Variants in AP1G2 observed in about 807,000 individuals in gnomAD.
The protein encoded by AP1G2 is adaptor related protein complex 1 subunit gamma 2.
In AP1G2, 85 loss-of-function variants were observed where a neutral mutation model predicts 95.8. The ratio of observed to expected loss-of-function variants is 0.89; its 90% confidence interval spans 0.74 to 1.06. The LOEUF is 1.06. AP1G2 is among the 50% of genes least tolerant of loss of function. The pLI, the probability that AP1G2 is intolerant of heterozygous loss-of-function variation, is 0.00. For synonymous variants in AP1G2, 378 were observed against 400.0 expected, an observed-to-expected ratio of 0.94 and a Z score of 0.66; for missense variants, 967 against 1,005.8, an observed-to-expected ratio of 0.96 and a Z score of 0.52.
chr14:23,562,967 G>T, intron 14 of AP1G2: 1 of 782,802 alleles, frequency 1.3e-6, no homozygotes, highest in Non-Finnish European at 1.7e-6. Context: ...AAATGTGAGA[G>T]GGTCCCTCCC....
rs757044980 is a variant in AP1G2 at position 23,565,166 on chromosome 14, G to A, written c.775C>T (p.Arg259Trp). ...QILRLLRILG[R>W]NHEESSETMN... Reference sequence around the variant, plus strand: ...GTCTCACTGCTCTCCTCGTGGTTCCGGCCCAGGATCCGAAGCAGACGAAGT... The same window carrying A: ...GTCTCACTGCTCTCCTCGTGGTTCCAGCCCAGGATCCGAAGCAGACGAAGT... The change falls in exon 8 of 22, where the codon CGG (arginine) becomes TGG (tryptophan). Residue 259 changes from arginine (R) to tryptophan (W), a missense_variant. Arg to Trp is a moderately radical substitution (Grantham distance 101). Transcript: ENST00000397120. The A allele has an allele frequency of 8.7e-6, 14 of 1,614,076 alleles. No individual in the cohort carries two copies. Among genetic ancestry groups the A allele is most frequent in the African/African-American group, 5.3e-5 (4 of 74,928 alleles).
In AP1G2 at chr14:23,567,099, C is replaced by T; in HGVS notation, c.204+12G>A. The T allele has an allele frequency of 1.9e-6, 3 of 1,605,174 alleles. No individual in the cohort carries two copies. Among genetic ancestry groups the T allele is most frequent in the Non-Finnish European group, 2.6e-6 (3 of 1,176,176 alleles). On this transcript the variant is annotated intron_variant, in intron 2 of 21. Transcript: ENST00000397120. The surrounding 1 kb of genome is among the most constrained non-coding windows in gnomAD (Gnocchi z 5.3). ...TCATCAAGCTCAGGAGGGAGGTATT[C>T]CTGGCCAGTACCTGTCCAAAGTGGG...
chr14:23,565,976 C>T lies in AP1G2; in HGVS notation c.569-84G>A, dbSNP rs772049140. Reference sequence around the variant, plus strand: ...TGTGTGCCTGTGTGTGTGCACTACCCTTCTCCTGTGAGCTGGGGTTCCCAT... The same window carrying T: ...TGTGTGCCTGTGTGTGTGCACTACCTTTCTCCTGTGAGCTGGGGTTCCCAT... On this transcript the variant is annotated intron_variant, in intron 5 of 21. Coordinates refer to ENST00000397120, the MANE Select transcript of AP1G2 (RefSeq NM_003917.5). The T allele has an allele frequency of 1.2e-6, 2 of 1,611,118 alleles. No homozygotes were observed. Among genetic ancestry groups the T allele is most frequent in the Admixed American group, 3.4e-5 (2 of 59,634 alleles).
intron 8 of AP1G2, 63 bp downstream of exon 8, chr14:23,565,056 G>C (rs1566651490): frequency 1.3e-6 from 2 of 1,514,664 alleles, no homozygotes; most frequent in African/African-American, 2.7e-5. Flanking sequence ...GTCATGTGAG[G>C]GGCACCCAGG....
chr14:23,565,658 A>G lies in AP1G2; in HGVS notation c.689T>C (p.Met230Thr). 6.2e-7 allele frequency: 1 copy of G among 1,614,118 alleles called. No homozygotes were observed. Among genetic ancestry groups the G allele is most frequent in the Non-Finnish European group, 8.5e-7 (1 of 1,180,004 alleles). Residue 230 changes from methionine (M) to threonine (T), a missense_variant, in exon 7 of 22, where the codon ATG (methionine) becomes ACG (threonine). Transcript: ENST00000397120. Reference sequence around the variant, plus strand: ...TATGCTGTGTTCTGTGGAGTATCCCATTGTCACCAGAGTCCGGAGGATGTG... The same window carrying G: ...TATGCTGTGTTCTGTGGAGTATCCCGTTGTCACCAGAGTCCGGAGGATGTG... ...LVHILRTLVT[M>T]GYSTEHSISG...
chr14:23,559,913 T>C, intron 21 of AP1G2, 25 bp downstream of exon 21: 3 of 1,611,724 alleles, frequency 1.9e-6, no homozygotes, highest in Non-Finnish European at 2.5e-6. Context: ...CTGGGTCTTG[T>C]CTTGGGGGAA....
At position 23,559,676 on chromosome 14, in the gene AP1G2, G is replaced by A. The variant is rs1883087659; in HGVS notation, c.*73C>T. On this transcript the variant is annotated 3_prime_UTR_variant, in exon 22 of 22. Transcript: ENST00000397120. Reference sequence around the variant, plus strand: ...AGCGCCACCTGCTGGTAGCCCTCAGGTGTAGGTTCGAAGCTGCTGGGGCCC... The same window carrying A: ...AGCGCCACCTGCTGGTAGCCCTCAGATGTAGGTTCGAAGCTGCTGGGGCCC... 2.2e-6 allele frequency: 3 copies of A among 1,388,910 alleles called. No homozygotes were observed. Among genetic ancestry groups the A allele is most frequent in the Admixed American group, 1.8e-5 (1 of 54,520 alleles). The allele number at this position is 1,388,910 out of a possible 1,614,324, so 86.0% of individuals were successfully genotyped here.
intron 8 of AP1G2, chr14:23,564,883 C>T: frequency 1.6e-6 from 1 of 631,450 alleles, no homozygotes; most frequent in Non-Finnish European, 2.8e-6. Context: ...TGTTATCTGT[C>T]CATCCTTCAA....
rs752099350 is a variant in AP1G2, at chr14:23,566,090, G to C, written c.542C>G (p.Ala181Gly). The C allele has an allele frequency of 3.1e-6, 5 of 1,614,036 alleles. No homozygotes were observed. Among genetic ancestry groups the C allele is most frequent in the South Asian group, 1.1e-5 (1 of 91,064 alleles). ...ELSSVFLPPC[A>G]QLLHERHHGI... ...ATGGTGACGCTCATGAAGCAGTTGG[G>C]CACAGGGTGGGAGGAAGACACTGGA... The change falls in exon 5 of 22, where the codon GCC (alanine) becomes GGC (glycine). Residue 181 changes from alanine (A) to glycine (G), a missense_variant. Coordinates refer to ENST00000397120, the MANE Select transcript of AP1G2 (RefSeq NM_003917.5).
intron 4 of AP1G2, 54 bp downstream of exon 4, chr14:23,566,224 T>TA: frequency 6.2e-7 from 1 of 1,607,356 alleles, no homozygotes; most frequent in Admixed American, 1.7e-5. Flanking sequence ...TACTACTATA[T>TA]AGCACGCAGC....
In AP1G2 at chr14:23,559,987, C is replaced by T. The variant is rs201878577; in HGVS notation, c.2207G>A (p.Arg736Gln). 483 of 1,613,004 alleles carry T rather than the reference C, an allele frequency of 3.0e-4. 2 individuals are homozygous for T. The Middle Eastern group carries it at 8.0e-3, about 27-fold the overall frequency. ...QAPSGNTVPA[R>Q]GGLPITQLFR... ...GAGCTGGGTGATAGGAAGGCCACCC[C>T]GAGCTGGAACTGTGTTCCCACTGGG... The change falls in exon 21 of 22, where the codon CGG (arginine) becomes CAG (glutamine). Residue 736 changes from arginine (R) to glutamine (Q), a missense_variant. Physicochemically the swap from Arg to Gln is conservative, Grantham distance 43 (BLOSUM62 1). Transcript: ENST00000397120.
chr14:23,563,202 G>A, intron 14 of AP1G2, 178 bp downstream of exon 14: 4 of 1,441,060 alleles, frequency 2.8e-6, no homozygotes, highest in Non-Finnish European at 3.6e-6. Context: ...GGAGGTACCA[G>A]AGTCAGGACA....
chr14:23,565,201 T>C lies in AP1G2; in HGVS notation c.742-2A>G, dbSNP rs982209232. The C allele has an allele frequency of 5.0e-6, 8 of 1,613,846 alleles. No homozygotes were observed. The African/African-American group carries it at 1.1e-4, about 22-fold the overall frequency. Reference sequence around the variant, plus strand: ...CCGAAGCAGACGAAGTATCTGGACCTGAGGTTGGGTTGAAAATGGAAAGTT... The same window carrying C: ...CCGAAGCAGACGAAGTATCTGGACCCGAGGTTGGGTTGAAAATGGAAAGTT... On this transcript the variant is annotated splice_acceptor_variant, in intron 7 of 21. Coordinates refer to ENST00000397120, the MANE Select transcript of AP1G2 (RefSeq NM_003917.5). LOFTEE classifies it high-confidence loss of function.
At chr14:23,562,467 C>T in intron 15 of AP1G2, 37 bp downstream of exon 15, 1 of 1,612,608 alleles carries the variant, frequency 6.2e-7, no homozygotes, top group Non-Finnish European at 8.5e-7. Flanking sequence ...GTCCCCCTGA[C>T]AAGTCCCTCC....
chr14:23,564,022 C>T (rs1443896619), intron 11 of AP1G2, 24 bp downstream of exon 11: 1 of 1,613,466 alleles, frequency 6.2e-7, no homozygotes, highest in Non-Finnish European at 8.5e-7. Flanking sequence ...GCCCTGCCCT[C>T]CTGTCCCCTC....
chr14:23,562,079 A>C lies in AP1G2; in HGVS notation c.1629-13T>G. On this transcript the variant is annotated splice_polypyrimidine_tract_variant and intron_variant, in intron 16 of 21. Coordinates refer to ENST00000397120, the MANE Select transcript of AP1G2 (RefSeq NM_003917.5). Reference sequence around the variant, plus strand: ...CTGGCGGATGCGGCTGGGCCAGTGTAGTATGTAAGTGGCTATGGCAGTGTG... The same window carrying C: ...CTGGCGGATGCGGCTGGGCCAGTGTCGTATGTAAGTGGCTATGGCAGTGTG... 1 of 1,611,680 alleles carries C rather than the reference A, an allele frequency of 6.2e-7. No homozygotes were observed. Among genetic ancestry groups the C allele is most frequent in the Non-Finnish European group, 8.5e-7 (1 of 1,179,042 alleles).
chr14:23,563,199 C>T (rs750379777), intron 14 of AP1G2, 181 bp downstream of exon 14: 197 of 1,439,572 alleles, frequency 1.4e-4, no homozygotes, highest in Non-Finnish European at 1.7e-4. Context: ...CCAGGAGGTA[C>T]CAGAGTCAGG....
intron 9 of AP1G2, 47 bp from the exon 10 acceptor site, chr14:23,564,435 C>G (rs1406168411): frequency 6.2e-7 from 1 of 1,610,932 alleles, no homozygotes; most frequent in Non-Finnish European, 8.5e-7. Context: ...GCAACCTGCT[C>G]AGCCATTGAG....
chr14:23,563,354 T>A (rs1248373062), intron 14 of AP1G2, 26 bp downstream of exon 14: 1 of 1,566,686 alleles, frequency 6.4e-7, no homozygotes, highest in Non-Finnish European at 8.6e-7. Context: ...TGGGCAGCCC[T>A]GGGCCTAGGT....
Sources: allele counts gnomAD v4.1 joint callset, GRCh38; gene constraint gnomAD v4.1.1; non-coding constraint Gnocchi (gnomAD v3.1); transcripts MANE v1.5; gene names NCBI Gene and HGNC (gene_info 2026-07-23, HGNC 2026-07-21).